Variants in DOK5 observed in about 807,000 individuals in gnomAD.
DOK5 encodes the protein downstream of tyrosine kinase 5.
A neutral mutation model predicts 43.3 loss-of-function variants in DOK5; 27 were observed. That is an observed-to-expected ratio of 0.62 (90% CI 0.46 to 0.86). The LOEUF (loss-of-function observed/expected upper bound fraction) is 0.86. Ranked by LOEUF, DOK5 falls within the 40% of genes least tolerant of loss-of-function variation. The pLI is 0.00. For missense variants in DOK5, 373 were observed against 392.9 expected (o/e 0.95, Z 0.43); for synonymous variants, 146 against 140.1 (o/e 1.04, Z -0.30).
intron 1 of DOK5, among the ~76,000 whole-genome samples, chr20:54,489,693 C>A (rs1274946818): frequency 6.6e-6 from 1 of 152,042 alleles, no homozygotes; most frequent in Non-Finnish European, 1.5e-5. Flanking sequence ...TTGGCCAGCT[C>A]ACACAGCCTT....
chr20:54,622,813 A>G (rs531488892), intron 6 of DOK5, among the ~76,000 whole-genome samples: 5 of 152,282 alleles, frequency 3.3e-5, no homozygotes, highest in African/African-American at 1.2e-4. Context: ...AGTGTCGAGC[A>G]TGGCAAAGAA....
chr20:54,552,730 A>G (rs1322043183), intron 1 of DOK5, among the ~76,000 whole-genome samples: 11 of 152,296 alleles, frequency 7.2e-5, no homozygotes, highest in South Asian at 6.2e-4. Context: ...TTTATTGTAC[A>G]TTCGGTGGGA....
chr20:54,579,010 G>A (rs911005057), intron 2 of DOK5, among the ~76,000 whole-genome samples: 6 of 152,136 alleles, frequency 3.9e-5, no homozygotes, highest in Non-Finnish European at 7.4e-5. Flanking sequence ...TTTGTATGCT[G>A]TACTGTTGAC....
chr20:54,477,286 G>A (rs1291972010), intron 1 of DOK5, among the ~76,000 whole-genome samples: 1 of 152,180 alleles, frequency 6.6e-6, no homozygotes, highest in African/African-American at 2.4e-5. Context: ...AGGGAGGGAA[G>A]CCCTGTGGGG....
Position 54,568,983 on chromosome 20 carries a change from C to CAA in DOK5, c.174+13964_174+13965dup, listed in dbSNP as rs10542523. On this transcript the variant is annotated intron_variant, in intron 2 of 7. Transcript: ENST00000262593. ...TTTCTGAAATGTATGGACTAAAACGCAAAAAAAAAAAAAAAAAAAAAATTC... is the reference window on the plus strand; with the variant it reads ...TTTCTGAAATGTATGGACTAAAACGCAAAAAAAAAAAAAAAAAAAAAAAATTC... Among the ~76,000 whole-genome samples, 519 of 96,176 alleles carry CAA rather than the reference C, an allele frequency of 5.4e-3. 6 individuals are homozygous for CAA. The highest frequency in any genetic ancestry group is 0.018 in the African/African-American group (487 of 26,916). 63.1% of individuals were successfully genotyped at this position (96,176 alleles called of 152,430 possible). A position where few individuals can be genotyped will look rare whatever the true frequency, so the allele number is the denominator to read the frequency against.
chr20:54,495,617 G>A (rs560613574), intron 1 of DOK5, among the ~76,000 whole-genome samples: 13 of 152,308 alleles, frequency 8.5e-5, no homozygotes, highest in Admixed American at 3.3e-4. Flanking sequence ...GTGGCTGGGC[G>A]CAGTGGCTCA....
At chr20:54,505,756 A>G (rs1982782365) in intron 1 of DOK5, among the ~76,000 whole-genome samples, 1 of 152,182 alleles carries the variant, frequency 6.6e-6, no homozygotes, top group Non-Finnish European at 1.5e-5. Context: ...ATGTGGACAC[A>G]TGAAGAAGAG....
At chr20:54,602,707 C>G (rs552509731) in intron 5 of DOK5, among the ~76,000 whole-genome samples, 21 of 152,250 alleles carry the variant, frequency 1.4e-4, no homozygotes, top group Admixed American at 9.2e-4. Flanking sequence ...TGGAATCTCT[C>G]TCTGTTGCCC....
At chr20:54,617,540 G>T (rs962696118) in intron 6 of DOK5, among the ~76,000 whole-genome samples, 1 of 152,040 alleles carries the variant, frequency 6.6e-6, no homozygotes, top group Non-Finnish European at 1.5e-5. Context: ...TGCCCAGGCT[G>T]GTCTCAAACT....
intron 5 of DOK5, among the ~76,000 whole-genome samples, chr20:54,602,705 C>T (rs1986334265): frequency 6.6e-6 from 1 of 152,100 alleles, no homozygotes; most frequent in Non-Finnish European, 1.5e-5. Flanking sequence ...GATGGAATCT[C>T]TCTCTGTTGC....
chr20:54,649,710 C>T (rs1027164125), intron 7 of DOK5, among the ~76,000 whole-genome samples: 7 of 152,212 alleles, frequency 4.6e-5, no homozygotes, highest in African/African-American at 1.7e-4. Flanking sequence ...GCTTGTGAGC[C>T]AGATCCAGCC....
intron 6 of DOK5, among the ~76,000 whole-genome samples, chr20:54,639,234 C>T (rs973285622): frequency 6.6e-6 from 1 of 152,220 alleles, no homozygotes; most frequent in Non-Finnish European, 1.5e-5. Flanking sequence ...TGTGCCCAGC[C>T]TTTGCAGTCT....
At chr20:54,590,591 A>T (rs1432282790) in intron 4 of DOK5, among the ~76,000 whole-genome samples, 4 of 152,178 alleles carry the variant, frequency 2.6e-5, no homozygotes, top group Non-Finnish European at 5.9e-5. Flanking sequence ...GTTTATTGAG[A>T]ATATGAAATA....
chr20:54,625,484 G>T (rs1212103212), intron 6 of DOK5, among the ~76,000 whole-genome samples: 1 of 152,148 alleles, frequency 6.6e-6, no homozygotes, highest in Non-Finnish European at 1.5e-5. Context: ...CATCCTTTAG[G>T]ATCTGTATAA....
intron 6 of DOK5, among the ~76,000 whole-genome samples, chr20:54,634,692 C>T (rs148849213): frequency 0.014 from 2,091 of 151,686 alleles, 17 homozygotes; most frequent in Non-Finnish European, 0.022. Context: ...CCTCCTGCCT[C>T]GGCCTCCCAA....
intron 5 of DOK5, among the ~76,000 whole-genome samples, chr20:54,603,846 T>C (rs539558873): frequency 6.6e-6 from 1 of 152,154 alleles, no homozygotes; most frequent in East Asian, 1.9e-4. Flanking sequence ...TCATCTCATG[T>C]CTGTGAAAGT....
chr20:54,520,337 T>C (rs994174759), intron 1 of DOK5, among the ~76,000 whole-genome samples: 1 of 152,178 alleles, frequency 6.6e-6, no homozygotes, highest in African/African-American at 2.4e-5. Flanking sequence ...TTGATACCCC[T>C]GTTGTTTCCA....
chr20:54,571,391 G>A (rs1031454937), intron 2 of DOK5, among the ~76,000 whole-genome samples: 4 of 152,184 alleles, frequency 2.6e-5, no homozygotes, highest in African/African-American at 2.4e-5. Context: ...TCCAGGAGGT[G>A]CCATTCTGAG....
intron 1 of DOK5, among the ~76,000 whole-genome samples, chr20:54,511,100 C>T (rs1241649019): frequency 6.6e-6 from 1 of 152,178 alleles, no homozygotes; most frequent in East Asian, 1.9e-4. Flanking sequence ...AGCTAGGTAG[C>T]ATCACTTTGG....
Sources: allele counts gnomAD v4.1 joint callset (sites outside exome capture counted in the v4.1 genomes callset), GRCh38; gene constraint gnomAD v4.1.1; transcripts MANE v1.5; gene names NCBI Gene and HGNC (gene_info 2026-07-23, HGNC 2026-07-21).